The following CCDC85A variants were observed in gnomAD, a reference collection of about 807,000 sequenced individuals.
CCDC85A encodes coiled-coil domain containing 85A, also known as coiled-coil domain-containing protein 85A.
CCDC85A carries 38 observed loss-of-function variants against 50.2 expected under a neutral mutation model. The ratio of observed to expected loss-of-function variants is 0.76; its 90% CI spans 0.58 to 0.99. CCDC85A has a LOEUF of 0.99. Among genes scored for constraint, CCDC85A ranks in the 50% least tolerant of loss-of-function variants. The pLI, the probability that CCDC85A is intolerant of heterozygous loss-of-function variation, is 0.00. For missense variants in CCDC85A, 820 were observed against 742.0 expected (o/e 1.11, Z -1.22); for synonymous variants, 366 against 301.4 (o/e 1.21, Z -2.22).
chr2:56,241,014 C>T (rs1203491652), intron 2 of CCDC85A, among the ~76,000 whole-genome samples: 2 of 152,122 alleles, frequency 1.3e-5, no homozygotes, highest in African/African-American at 4.8e-5. Flanking sequence ...TTCAATTTCT[C>T]CATATTATTG....
intron 2 of CCDC85A, among the ~76,000 whole-genome samples, chr2:56,236,235 TG>T (rs1489523092): frequency 6.6e-6 from 1 of 152,206 alleles, no homozygotes; most frequent in Non-Finnish European, 1.5e-5. Context: ...AGCACTCTAG[TG>T]TCATACTATA....
At chr2:56,271,502 C>CCTA (rs573245654) in intron 2 of CCDC85A, among the ~76,000 whole-genome samples, 119 of 152,170 alleles carry the variant, frequency 7.8e-4, no homozygotes, top group African/African-American at 2.8e-3. Context: ...GTTCACAGGC[C>CCTA]CTACACAGCA....
chr2:56,372,152 A>G (rs1341331493), intron 3 of CCDC85A, among the ~76,000 whole-genome samples, 192 bp from the exon 4 acceptor site: 1 of 152,202 alleles, frequency 6.6e-6, no homozygotes, highest in Non-Finnish European at 1.5e-5. Context: ...AACTTAAATC[A>G]GGATTAGGTC....
chr2:56,243,684 C>T (rs2103971786), intron 2 of CCDC85A, among the ~76,000 whole-genome samples: 1 of 152,230 alleles, frequency 6.6e-6, no homozygotes, highest in East Asian at 1.9e-4. Context: ...CCTGCAGGAT[C>T]TTGATGTTTG....
chr2:56,363,856 T>G (rs1675657858), intron 3 of CCDC85A, among the ~76,000 whole-genome samples: 1 of 152,200 alleles, frequency 6.6e-6, no homozygotes, highest in Non-Finnish European at 1.5e-5. Context: ...TTCAGCTCCA[T>G]GCCCTTACGC....
chr2:56,356,725 C>T, intron 3 of CCDC85A, among the ~76,000 whole-genome samples: 1 of 70,934 alleles, frequency 1.4e-5, no homozygotes, highest in Non-Finnish European at 2.8e-5. Context: ...TTTTTTCCAT[C>T]TCAAGGAAAA....
chr2:56,201,449 A>G (rs9967877), intron 2 of CCDC85A, among the ~76,000 whole-genome samples: 21,541 of 152,040 alleles, frequency 0.14, 1,608 homozygotes, highest in African/African-American at 0.19. Context: ...CATTAAACTC[A>G]GAATTTTGCC....
chr2:56,372,855 G>A (rs1045034898), intron 4 of CCDC85A, among the ~76,000 whole-genome samples: 10 of 152,166 alleles, frequency 6.6e-5, no homozygotes, highest in Non-Finnish European at 1.0e-4. Flanking sequence ...CATGCACTGT[G>A]TGATCATGTG....
At chr2:56,295,765 T>C (rs902034306) in intron 2 of CCDC85A, among the ~76,000 whole-genome samples, 4 of 152,184 alleles carry the variant, frequency 2.6e-5, no homozygotes, top group Non-Finnish European at 4.4e-5. Flanking sequence ...CCTTAGAGGA[T>C]AGACTGAAAA....
chr2:56,184,941 G>A (rs1226945733), intron 1 of CCDC85A, 41 bp downstream of exon 1: 15 of 1,450,694 alleles, frequency 1.0e-5, no homozygotes, highest in African/African-American at 1.5e-5. Context: ...GCGGCTGGGA[G>A]CGGGGTGCCC....
At chr2:56,259,233 G>T (rs1006824161) in intron 2 of CCDC85A, among the ~76,000 whole-genome samples, 5 of 152,086 alleles carry the variant, frequency 3.3e-5, no homozygotes, top group African/African-American at 1.2e-4. Flanking sequence ...GGTAAGGCTT[G>T]TTTTTTTATG....
In CCDC85A at chr2:56,192,337, C is replaced by A; in HGVS notation, c.277-140C>A. 1 of 1,186,164 alleles carries A rather than the reference C, an allele frequency of 8.4e-7. No individual in the cohort carries two copies. The highest frequency in any genetic ancestry group is 1.2e-6 in the Non-Finnish European group (1 of 852,332). 73.5% of individuals were successfully genotyped at this position (1,186,164 alleles called of 1,614,324 possible). On this transcript the variant is annotated intron_variant, in intron 1 of 5. Coordinates refer to ENST00000407595, the MANE Select transcript of CCDC85A (RefSeq NM_001080433.2). The surrounding 1 kb of genome is among the most constrained non-coding windows in gnomAD (Gnocchi z 4.7). ...ATTTTTATGGACAGCTACAAATCTT[C>A]AGCTTCCTCCTACTCCCTCACCTCC... is the stretch of plus-strand genomic sequence containing the variant.
intron 2 of CCDC85A, among the ~76,000 whole-genome samples, chr2:56,260,486 A>G (rs893417640): frequency 6.6e-6 from 1 of 152,250 alleles, no homozygotes; most frequent in African/African-American, 2.4e-5. Context: ...TTACACAAAC[A>G]TGATAAATTT....
chr2:56,236,914 A>T, intron 2 of CCDC85A, among the ~76,000 whole-genome samples: 1 of 152,270 alleles, frequency 6.6e-6, no homozygotes, highest in South Asian at 2.1e-4. Flanking sequence ...GGAAGTAACA[A>T]GGTAGGGCCC....
At chr2:56,316,852 A>G (rs994582739) in intron 2 of CCDC85A, among the ~76,000 whole-genome samples, 26 of 152,168 alleles carry the variant, frequency 1.7e-4, no homozygotes, top group Non-Finnish European at 3.7e-4. Context: ...GTAAGCAGGC[A>G]TCATTGACAT....
chr2:56,255,719 C>T (rs2104006063), intron 2 of CCDC85A, among the ~76,000 whole-genome samples: 1 of 152,166 alleles, frequency 6.6e-6, no homozygotes, highest in South Asian at 2.1e-4. Flanking sequence ...ATGATGGAAT[C>T]ATGTGAGACT....
chr2:56,198,567 C>T (rs12613794), intron 2 of CCDC85A, among the ~76,000 whole-genome samples: 34,616 of 152,070 alleles, frequency 0.23, 4,773 homozygotes, highest in Non-Finnish European at 0.31. Context: ...CATAAGGATA[C>T]ATTTTGACTT....
intron 3 of CCDC85A, among the ~76,000 whole-genome samples, chr2:56,347,894 A>G (rs1454297728): frequency 6.6e-6 from 1 of 152,180 alleles, no homozygotes; most frequent in Non-Finnish European, 1.5e-5. Context: ...CGATATGTTT[A>G]TATGCTGCAT....
At chr2:56,218,113 G>A (rs878890357) in intron 2 of CCDC85A, among the ~76,000 whole-genome samples, 1 of 151,776 alleles carries the variant, frequency 6.6e-6, no homozygotes, top group Admixed American at 6.6e-5. Context: ...ATAAACTACA[G>A]CAACATAAAA....
Sources: allele counts gnomAD v4.1 joint callset (sites outside exome capture counted in the v4.1 genomes callset), GRCh38; gene constraint gnomAD v4.1.1; non-coding constraint Gnocchi (gnomAD v3.1); transcripts MANE v1.5; gene names NCBI Gene and HGNC (gene_info 2026-07-23, HGNC 2026-07-21).